The following HHIPL1 variants were observed in gnomAD, a reference collection of about 807,000 sequenced individuals.
The protein encoded by HHIPL1 is HHIP like 1, also known as HHIP-like protein 1.
HHIPL1 carries 43 observed loss-of-function variants against 61.8 expected under a neutral mutation model. The ratio of observed to expected loss-of-function variants is 0.70; its 90% CI spans 0.55 to 0.90. The LOEUF (loss-of-function observed/expected upper bound fraction) is 0.90. Among genes scored for constraint, HHIPL1 ranks in the 40% least tolerant of loss-of-function variants. The probability of loss-of-function intolerance (pLI) is 0.00; values close to 1 mark genes in which losing one functional copy is unlikely to be tolerated. For synonymous variants in HHIPL1, 482 were observed against 515.8 expected (o/e 0.93, Z 0.89); for missense variants, 1,056 against 1,157.7 (o/e 0.91, Z 1.28).
the HHIPL1 span, among the ~76,000 whole-genome samples, chr14:99,638,913 G>A: frequency 3.9e-5 from 6 of 152,372 alleles, no homozygotes; most frequent in East Asian, 1.2e-3. Flanking sequence ...ATGGCATTTG[G>A]TGGAATTGTC....
rs2056201810 is a variant in HHIPL1, at chr14:99,664,159, C to T, written c.1648+1138C>T. ...GTTCCTGGACAAAAGCCCAGGGGCC[C>T]CCAGTGGGCCCTAATGGATGCTTAT... On this transcript the variant is annotated intron_variant, in intron 6 of 8. Transcript: ENST00000330710. Among the ~76,000 whole-genome samples, 3 of 152,138 alleles carry T rather than the reference C, an allele frequency of 2.0e-5. No individual in the cohort carries two copies. The South Asian group carries it at 6.2e-4, about 32-fold the overall frequency.
In HHIPL1 at chr14:99,677,961, CT is replaced by C; in HGVS notation, c.*2340del. The C allele has an allele frequency of 6.6e-6, 1 of 152,370 alleles. No homozygotes were observed. Among genetic ancestry groups the C allele is most frequent in the Non-Finnish European group, 1.5e-5 (1 of 68,060 alleles). 9.4% of individuals were successfully genotyped at this position (152,370 alleles called of 1,614,324 possible). On this transcript the variant is annotated 3_prime_UTR_variant, in exon 9 of 9. Transcript: ENST00000330710. The surrounding 1 kb of genome is among the most constrained non-coding windows in gnomAD (Gnocchi z 4.3). ...AGTCCCCAGGTCAGTGGTCCCCAACCTTTTTGGCATCATGGACTGGTTTCAT... is the reference window on the plus strand; with the variant it reads ...AGTCCCCAGGTCAGTGGTCCCCAACCTTTTGGCATCATGGACTGGTTTCAT...
chr14:99,634,160 C>T, the HHIPL1 span, among the ~76,000 whole-genome samples: 9 of 152,154 alleles, frequency 5.9e-5, no homozygotes, highest in African/African-American at 2.2e-4. Context: ...AGTGTGTAGA[C>T]ATGTCTCCCT....
At chr14:99,619,115 T>G in the HHIPL1 span, among the ~76,000 whole-genome samples, 1 of 152,036 alleles carries the variant, frequency 6.6e-6, no homozygotes, top group Non-Finnish European at 1.5e-5. Flanking sequence ...ACACCCCGTG[T>G]ACTGGCCCTG....
the HHIPL1 span, among the ~76,000 whole-genome samples, chr14:99,616,703 C>G: frequency 1.3e-5 from 2 of 152,068 alleles, no homozygotes; most frequent in African/African-American, 4.8e-5. Context: ...GTTTGAAACT[C>G]TGTGCATGTG....
chr14:99,631,106 T>C, the HHIPL1 span, among the ~76,000 whole-genome samples: 416 of 121,478 alleles, frequency 3.4e-3, 2 homozygotes, highest in Non-Finnish European at 4.2e-3. Flanking sequence ...CTTTCTTTCT[T>C]TCTCTCTCTT....
chr14:99,664,021 G>A (rs1447636355), intron 6 of HHIPL1, among the ~76,000 whole-genome samples: 1 of 152,200 alleles, frequency 6.6e-6, no homozygotes, highest in East Asian at 1.9e-4. Flanking sequence ...CGGTTAGTGG[G>A]TCCTGAATCT....
chr14:99,631,076 CTT>C, the HHIPL1 span, among the ~76,000 whole-genome samples: 1 of 147,344 alleles, frequency 6.8e-6, no homozygotes, highest in African/African-American at 2.6e-5. Flanking sequence ...TTCTTTCTTT[CTT>C]TCTTTCTTTC....
intron 5 of HHIPL1, among the ~76,000 whole-genome samples, 182 bp from the exon 6 acceptor site, chr14:99,662,694 A>G (rs540148259): frequency 9.2e-5 from 14 of 152,296 alleles, no homozygotes; most frequent in South Asian, 4.1e-4. Context: ...GGCTCTGCGA[A>G]TTGTGTATGG....
At chr14:99,604,831 G>A in the HHIPL1 span, among the ~76,000 whole-genome samples, 1 of 152,166 alleles carries the variant, frequency 6.6e-6, no homozygotes, top group East Asian at 1.9e-4. Flanking sequence ...GCGAACAATA[G>A]GACTGTGACA....
chr14:99,666,170 GA>G (rs1005815204), intron 6 of HHIPL1, among the ~76,000 whole-genome samples: 1 of 152,224 alleles, frequency 6.6e-6, no homozygotes, highest in Non-Finnish European at 1.5e-5. Flanking sequence ...GGCTTTGGGG[GA>G]AATGTGTGCT....
intron 3 of HHIPL1, among the ~76,000 whole-genome samples, chr14:99,658,289 G>A (rs543833045): frequency 4.5e-4 from 69 of 152,318 alleles, no homozygotes; most frequent in African/African-American, 1.6e-3. Context: ...TGCCCACTTA[G>A]ATATCGAATC....
the HHIPL1 span, among the ~76,000 whole-genome samples, chr14:99,608,126 G>T: frequency 6.6e-6 from 1 of 152,032 alleles, no homozygotes; most frequent in Non-Finnish European, 1.5e-5. Context: ...AGCAGGCGAG[G>T]GGTGTGGAGA....
rs983684158 is a variant in HHIPL1, at chr14:99,663,131, A to G, written c.1648+110A>G. ...AGGGGAAGGACCACACAGGCCTGAA[A>G]TTAGTTCCCACCTGGGATGTTCCCT... On this transcript the variant is annotated intron_variant, in intron 6 of 8. Transcript: ENST00000330710. 2.0e-5 allele frequency: 21 copies of G among 1,059,312 alleles called. No homozygotes were observed. The African/African-American group carries it at 2.6e-4, about 13-fold the overall frequency. 65.6% of individuals were successfully genotyped at this position (1,059,312 alleles called of 1,614,324 possible).
chr14:99,634,513 T>C, the HHIPL1 span, among the ~76,000 whole-genome samples: 2 of 152,206 alleles, frequency 1.3e-5, no homozygotes, highest in Admixed American at 1.3e-4. Flanking sequence ...AATGTGGCAT[T>C]TCCCATACTT....
the HHIPL1 span, among the ~76,000 whole-genome samples, chr14:99,635,650 T>C: frequency 7.2e-6 from 1 of 138,670 alleles, no homozygotes; most frequent in South Asian, 2.1e-4. Context: ...TGAGCCCATC[T>C]CATTCATTCA....
At chr14:99,613,146 G>A in the HHIPL1 span, among the ~76,000 whole-genome samples, 1 of 152,042 alleles carries the variant, frequency 6.6e-6, no homozygotes, top group East Asian at 1.9e-4. Context: ...GGCGAGGCTG[G>A]CCTGAAATGA....
intron 4 of HHIPL1, 100 bp downstream of exon 4, chr14:99,659,856 C>CCCA (rs1566812296): frequency 1.9e-6 from 1 of 520,854 alleles, no homozygotes; most frequent in South Asian, 4.1e-5. Context: ...ACCCCCCCCC[C>CCCA]CCCGGAGATC....
the HHIPL1 span, among the ~76,000 whole-genome samples, chr14:99,621,074 C>T: frequency 2.6e-5 from 4 of 152,196 alleles, no homozygotes; most frequent in African/African-American, 7.2e-5. Flanking sequence ...CACCACCTGA[C>T]CACGACTTGC....
Sources: allele counts gnomAD v4.1 joint callset (sites outside exome capture counted in the v4.1 genomes callset), GRCh38; gene constraint gnomAD v4.1.1; non-coding constraint Gnocchi (gnomAD v3.1); transcripts MANE v1.5; gene names NCBI Gene and HGNC (gene_info 2026-07-23, HGNC 2026-07-21).